CELF4: variants seen among roughly 807,000 people sequenced by gnomAD.
CELF4 encodes CUGBP Elav-like family member 4, also known as CUG-BP- and ETR-3-like factor 4.
Under a neutral mutation model 59.9 loss-of-function variants are expected in CELF4, and 18 were observed. The ratio of observed to expected loss-of-function variants is 0.30; its 90% CI spans 0.21 to 0.45. The LOEUF is 0.45. CELF4 is among the 20% of genes least tolerant of loss of function. The pLI is 1.00. For synonymous variants in CELF4, 261 were observed against 267.1 expected (o/e 0.98, Z 0.22); for missense variants, 456 against 689.0 (o/e 0.66, Z 3.79).
chr18:37,430,872 A>T (rs1488626419), intron 2 of CELF4, among the ~76,000 whole-genome samples: 1 of 152,144 alleles, frequency 6.6e-6, no homozygotes, highest in East Asian at 1.9e-4. Flanking sequence ...AGCAGGTCTC[A>T]CTTGGTCTGG....
chr18:37,419,286 C>T (rs1453112896), intron 2 of CELF4, among the ~76,000 whole-genome samples: 1 of 152,132 alleles, frequency 6.6e-6, no homozygotes, highest in Non-Finnish European at 1.5e-5. Flanking sequence ...TAAAATAATT[C>T]CAGAAGTATC....
At chr18:37,277,650 T>C (rs2093544682) in intron 3 of CELF4, among the ~76,000 whole-genome samples, 1 of 152,212 alleles carries the variant, frequency 6.6e-6, no homozygotes, top group South Asian at 2.1e-4. Flanking sequence ...GGAGCCATTA[T>C]GTTTGACTCC....
Position 37,538,303 on chromosome 18 carries a change from C to A in CELF4, c.286+27053G>T, listed in dbSNP as rs763382706. On this transcript the variant is annotated intron_variant, in intron 1 of 12. Transcript: ENST00000420428. ...CTCGATTCTTCACTGGCTGTGTAGC[C>A]CTGGGCAAGCTGTCCAACCTCTCTG... Among the ~76,000 whole-genome samples the A allele has an allele frequency of 8.0e-4, 121 of 152,176 alleles. 6 individuals are homozygous for A. The highest frequency in any genetic ancestry group is 3.8e-4 in the Non-Finnish European group (26 of 68,028).
At chr18:37,271,801 C>G (rs1438867670) in intron 7 of CELF4, among the ~76,000 whole-genome samples, 2 of 152,174 alleles carry the variant, frequency 1.3e-5, no homozygotes, top group African/African-American at 2.4e-5. Flanking sequence ...TAGTAGTGGT[C>G]ATGATGGTGA....
chr18:37,347,150 A>G (rs924356321), intron 2 of CELF4, among the ~76,000 whole-genome samples: 6 of 152,226 alleles, frequency 3.9e-5, no homozygotes, highest in Middle Eastern at 6.8e-3. Context: ...ACAATGGCCA[A>G]TACCTCAGAT....
chr18:37,302,428 T>C (rs2096116482), intron 3 of CELF4, among the ~76,000 whole-genome samples: 1 of 152,172 alleles, frequency 6.6e-6, no homozygotes, highest in South Asian at 2.1e-4. Context: ...GGATGGGAAT[T>C]ATCGCCCCCA....
chr18:37,454,935 G>A (rs779404809), intron 2 of CELF4, among the ~76,000 whole-genome samples: 19 of 152,278 alleles, frequency 1.2e-4, no homozygotes, highest in Admixed American at 2.6e-4. Flanking sequence ...TCCAGCACGA[G>A]GACATGGGTC....
intron 1 of CELF4, among the ~76,000 whole-genome samples, chr18:37,499,840 T>C (rs983046762): frequency 6.6e-6 from 1 of 152,244 alleles, no homozygotes; most frequent in Non-Finnish European, 1.5e-5. Flanking sequence ...AGCACAGTCC[T>C]GGCACCAAGT....
intron 2 of CELF4, among the ~76,000 whole-genome samples, chr18:37,423,675 C>T (rs149144383): frequency 0.036 from 5,419 of 152,186 alleles, 150 homozygotes; most frequent in Non-Finnish European, 0.058. Context: ...CAGCCATGGC[C>T]TTGGTCTCCT....
At chr18:37,258,766 G>A (rs2072020208) in intron 11 of CELF4, among the ~76,000 whole-genome samples, 1 of 152,212 alleles carries the variant, frequency 6.6e-6, no homozygotes, top group South Asian at 2.1e-4. Flanking sequence ...CTCTCACCAT[G>A]AGAGGAGAGG....
At chr18:37,419,107 T>G (rs374600677) in intron 2 of CELF4, among the ~76,000 whole-genome samples, 1 of 152,220 alleles carries the variant, frequency 6.6e-6, no homozygotes, top group East Asian at 1.9e-4. Context: ...AGTGGGGCAC[T>G]GCTCTGTTCC....
intron 2 of CELF4, among the ~76,000 whole-genome samples, chr18:37,444,601 C>T (rs2099742625): frequency 6.9e-6 from 1 of 145,882 alleles, no homozygotes; most frequent in South Asian, 2.2e-4. Context: ...CTCTCTCTCT[C>T]TCTCTCTAGC....
rs2099488905 is a variant in CELF4, at chr18:37,413,076, G to A, written c.369+72449C>T. The stretch of plus-strand genomic sequence containing the variant: ...CATGCCTTTCCAGCTAGCTGCTCCT[G>A]TCACAGCACATCTTGTTAGCCCTGG... On this transcript the variant is annotated intron_variant, in intron 2 of 12. Transcript: ENST00000420428. Among the ~76,000 whole-genome samples the A allele has an allele frequency of 2.6e-5, 4 of 152,272 alleles. No homozygotes were observed. In the South Asian group the frequency reaches 8.3e-4, roughly 32 times the overall value.
intron 2 of CELF4, among the ~76,000 whole-genome samples, chr18:37,407,884 G>A (rs558238787): frequency 6.6e-6 from 1 of 152,044 alleles, no homozygotes; most frequent in Non-Finnish European, 1.5e-5. Flanking sequence ...TCAATTTTTG[G>A]GGGGCATATT....
At chr18:37,505,288 G>A (rs113300443) in intron 1 of CELF4, among the ~76,000 whole-genome samples, 5 of 152,114 alleles carry the variant, frequency 3.3e-5, no homozygotes, top group Non-Finnish European at 5.9e-5. Context: ...AAGCAGTCTC[G>A]TCTCCACACT....
chr18:37,396,754 C>T (rs2099250333), intron 2 of CELF4, among the ~76,000 whole-genome samples: 1 of 152,108 alleles, frequency 6.6e-6, no homozygotes, highest in Non-Finnish European at 1.5e-5. Flanking sequence ...GGATTCTTTC[C>T]CCCACACCTT....
At chr18:37,434,188 C>T (rs913833887) in intron 2 of CELF4, among the ~76,000 whole-genome samples, 1 of 152,108 alleles carries the variant, frequency 6.6e-6, no homozygotes, top group Non-Finnish European at 1.5e-5. Flanking sequence ...ACTAATAGTT[C>T]AGAATAAAAA....
At chr18:37,372,285 G>A (rs619640) in intron 2 of CELF4, among the ~76,000 whole-genome samples, 4,082 of 152,280 alleles carry the variant, frequency 0.027, 180 homozygotes, top group African/African-American at 0.093. Flanking sequence ...TATACACCAT[G>A]GAATACTATG....
intron 1 of CELF4, among the ~76,000 whole-genome samples, chr18:37,515,980 A>C (rs1277371994): frequency 6.6e-6 from 1 of 152,174 alleles, no homozygotes; most frequent in Non-Finnish European, 1.5e-5. Context: ...GCATGGAGGC[A>C]CTTGATGCAC....
Sources: gnomAD v4.1 joint callset for allele counts (sites outside exome capture counted in the v4.1 genomes callset) on GRCh38, gnomAD v4.1.1 for gene constraint, MANE v1.5 for transcripts, NCBI Gene and HGNC (gene_info 2026-07-23, HGNC 2026-07-21) for gene names.